PTPRT: variants seen among roughly 807,000 people sequenced by gnomAD.
PTPRT encodes protein tyrosine phosphatase receptor type T.
Under a neutral mutation model 176.8 loss-of-function variants are expected in PTPRT, and 56 were observed. The observed-to-expected ratio is 0.32, with a 90% CI of 0.26 to 0.40. The LOEUF (loss-of-function observed/expected upper bound fraction) is 0.40, where lower values mean the gene tolerates loss of function less well. PTPRT is among the 10% of genes least tolerant of loss of function. PTPRT has a pLI of 1.00. For missense variants in PTPRT, 1,540 were observed against 1,908.2 expected (o/e 0.81, Z 3.60); for synonymous variants, 783 against 739.0 (o/e 1.06, Z -0.96).
intron 9 of PTPRT, among the ~76,000 whole-genome samples, chr20:42,433,541 T>A (rs938791966): frequency 6.6e-6 from 1 of 152,144 alleles, no homozygotes; most frequent in African/African-American, 2.4e-5. Flanking sequence ...CCTGATTGAT[T>A]ATTGATGTCC....
At chr20:42,596,546 G>A (rs931375624) in intron 7 of PTPRT, among the ~76,000 whole-genome samples, 2 of 152,106 alleles carry the variant, frequency 1.3e-5, no homozygotes, top group South Asian at 4.1e-4. Flanking sequence ...AAATTGTCAC[G>A]TGGAAGAAAC....
rs1245595491 is a variant in PTPRT at position 42,600,224 on chromosome 20, C to T, written c.1153+77642G>A. Among the ~76,000 whole-genome samples the T allele has an allele frequency of 2.6e-5, 4 of 152,202 alleles. No homozygotes were observed. The East Asian group carries it at 7.7e-4, about 29-fold the overall frequency. ...GCACTATCTCAACTCACTGTAACCT[C>T]TGCCTCTCAGGTTCATGCAATTCCC... On this transcript the variant is annotated intron_variant, in intron 7 of 30. Transcript: ENST00000373187.
chr20:42,332,405 T>A (rs1421129645), intron 11 of PTPRT, among the ~76,000 whole-genome samples: 1 of 151,850 alleles, frequency 6.6e-6, no homozygotes, highest in Non-Finnish European at 1.5e-5. Flanking sequence ...AGAGACAGGG[T>A]TTTACCGTGT....
At chr20:43,174,868 T>G (rs925241303) in intron 1 of PTPRT, among the ~76,000 whole-genome samples, 1 of 152,220 alleles carries the variant, frequency 6.6e-6, no homozygotes, top group Non-Finnish European at 1.5e-5. Context: ...TATATTTTAA[T>G]ATATTTAATC....
chr20:42,778,591 T>C (rs1292072122), intron 4 of PTPRT, among the ~76,000 whole-genome samples: 1 of 152,170 alleles, frequency 6.6e-6, no homozygotes, highest in Non-Finnish European at 1.5e-5. Flanking sequence ...TCAGAGAGAC[T>C]ACCTCGAAAC....
chr20:42,221,784 G>T (rs1360310044), intron 15 of PTPRT, among the ~76,000 whole-genome samples: 5 of 152,110 alleles, frequency 3.3e-5, no homozygotes, highest in Non-Finnish European at 5.9e-5. Context: ...CTCCCAAAGT[G>T]CTGGGATTAC....
At chr20:42,691,068 C>T (rs1350463644) in intron 6 of PTPRT, among the ~76,000 whole-genome samples, 1 of 152,208 alleles carries the variant, frequency 6.6e-6, no homozygotes, top group East Asian at 1.9e-4. Flanking sequence ...CATCTGAGCT[C>T]TCAGGGCATC....
At chr20:42,389,326 G>A (rs920248869) in intron 9 of PTPRT, among the ~76,000 whole-genome samples, 1 of 151,858 alleles carries the variant, frequency 6.6e-6, no homozygotes. Flanking sequence ...AGGTAAATTA[G>A]GTCCTCCACG....
chr20:42,282,310 C>T (rs1031280750), intron 13 of PTPRT, among the ~76,000 whole-genome samples, 179 bp downstream of exon 13: 1 of 152,138 alleles, frequency 6.6e-6, no homozygotes, highest in Non-Finnish European at 1.5e-5. Flanking sequence ...CTCTATTTTA[C>T]GCACTGTGCT....
chr20:42,834,694 A>C (rs6030509), intron 2 of PTPRT, among the ~76,000 whole-genome samples: 1 of 151,910 alleles, frequency 6.6e-6, no homozygotes, highest in Non-Finnish European at 1.5e-5. Context: ...ACCGTACCCC[A>C]CCACCCTTTT....
chr20:42,249,015 G>T (rs529122833), intron 13 of PTPRT, among the ~76,000 whole-genome samples, 193 bp from the exon 14 acceptor site: 1 of 152,304 alleles, frequency 6.6e-6, no homozygotes, highest in African/African-American at 2.4e-5. Context: ...ATTATCATTA[G>T]ATTCTTTTGA....
chr20:42,521,884 T>C (rs759884913), intron 7 of PTPRT, among the ~76,000 whole-genome samples: 1 of 152,126 alleles, frequency 6.6e-6, no homozygotes, highest in Non-Finnish European at 1.5e-5. Flanking sequence ...TCGTTTTTCC[T>C]GGAAGCATGA....
At chr20:42,232,635 C>G (rs148828543) in intron 15 of PTPRT, among the ~76,000 whole-genome samples, 3 of 146,518 alleles carry the variant, frequency 2.0e-5, no homozygotes, top group African/African-American at 5.5e-5. Context: ...CCTCCTCCCC[C>G]ACTCCCAGAC....
chr20:42,411,135 T>A (rs1240728905), intron 9 of PTPRT, among the ~76,000 whole-genome samples: 2 of 151,894 alleles, frequency 1.3e-5, no homozygotes, highest in East Asian at 3.9e-4. Context: ...AATGGTAAAA[T>A]CAAAAGCTGA....
At chr20:42,206,475 G>A (rs946637557) in intron 15 of PTPRT, among the ~76,000 whole-genome samples, 3 of 152,220 alleles carry the variant, frequency 2.0e-5, no homozygotes, top group African/African-American at 7.2e-5. Flanking sequence ...CTTGGGAAGC[G>A]CAAGGGGTCA....
At position 42,733,849 on chromosome 20, in the gene PTPRT, C is replaced by T. The variant is rs1040966; in HGVS notation, c.859+22613G>A. On this transcript the variant is annotated intron_variant, in intron 6 of 30. Coordinates refer to ENST00000373187, the MANE Select transcript of PTPRT (RefSeq NM_007050.6). ...GTCCAGATCTGGGGAGAAGCAGGCACGAGGGATGTACTGGGAGTAGGGAGG... is the reference window on the plus strand; with the variant it reads ...GTCCAGATCTGGGGAGAAGCAGGCATGAGGGATGTACTGGGAGTAGGGAGG... Among the ~76,000 whole-genome samples, 250 of 152,252 alleles carry T rather than the reference C, an allele frequency of 1.6e-3. 1 individual carries two copies. The Middle Eastern group carries it at 0.017, about 10-fold the overall frequency.
chr20:42,627,753 G>A (rs747221699), intron 7 of PTPRT, among the ~76,000 whole-genome samples: 3 of 151,224 alleles, frequency 2.0e-5, no homozygotes, highest in Non-Finnish European at 2.9e-5. Flanking sequence ...CCTGTCTTTC[G>A]TATTTTTTTT....
intron 11 of PTPRT, among the ~76,000 whole-genome samples, chr20:42,342,526 GT>G: frequency 6.6e-6 from 1 of 152,336 alleles, no homozygotes; most frequent in South Asian, 2.1e-4. Flanking sequence ...AATAAATGAG[GT>G]TTGGAGAAAG....
the PTPRT span, among the ~76,000 whole-genome samples, chr20:42,051,474 C>G: frequency 6.6e-6 from 1 of 152,294 alleles, no homozygotes; most frequent in African/African-American, 2.4e-5. Flanking sequence ...TAGTCTTCAG[C>G]TAACAATTGC....
Sources: allele counts gnomAD v4.1 joint callset (sites outside exome capture counted in the v4.1 genomes callset), GRCh38; gene constraint gnomAD v4.1.1; transcripts MANE v1.5; gene names NCBI Gene and HGNC (gene_info 2026-07-23, HGNC 2026-07-21).